Variants in ST3GAL3 observed in about 807,000 individuals in gnomAD.
The protein encoded by ST3GAL3 is CMP-N-acetylneuraminate-beta-1,4-galactoside alpha-2,3-sialyltransferase.
A neutral mutation model predicts 50.1 loss-of-function variants in ST3GAL3; 21 were observed. That is an observed-to-expected ratio of 0.42 (90% confidence interval 0.30 to 0.60). ST3GAL3 has a LOEUF of 0.60. Ranked by LOEUF, ST3GAL3 falls within the 20% of genes least tolerant of loss-of-function variation. The pLI, the probability that ST3GAL3 is intolerant of heterozygous loss-of-function variation, is 0.19. For synonymous variants in ST3GAL3, 183 were observed against 190.0 expected, an observed-to-expected ratio of 0.96 and a Z score of 0.30; for missense variants, 353 against 489.4, an observed-to-expected ratio of 0.72 and a Z score of 2.63.
chr1:43,920,188 GC>G, intron 9 of ST3GAL3: 1 of 612,420 alleles, frequency 1.6e-6, no homozygotes, highest in Non-Finnish European at 2.9e-6. Flanking sequence ...ACACACTGGA[GC>G]CCCACCACAC....
intron 9 of ST3GAL3, chr1:43,920,109 A>C: frequency 2.2e-6 from 1 of 446,794 alleles, no homozygotes; most frequent in Non-Finnish European, 4.2e-6. Context: ...CCCTCAGGCC[A>C]CAGCAGCACA....
intron 3 of ST3GAL3, among the ~76,000 whole-genome samples, chr1:43,807,022 G>C (rs537610034): frequency 6.6e-6 from 1 of 152,316 alleles, no homozygotes; most frequent in East Asian, 1.9e-4. Context: ...AGAAAGATAT[G>C]TTCAAAGGCC....
chr1:43,898,237 A>T lies in ST3GAL3; in HGVS notation c.400A>T (p.Asn134Tyr), dbSNP rs201834329. The T allele has an allele frequency of 1.1e-4, 170 of 1,613,940 alleles. No individual in the cohort carries two copies. The highest frequency in any genetic ancestry group is 8.5e-4 in the Admixed American group (51 of 60,026). ...AAACCTCTCTCCTCTGTCTGCAGAC[A>T]ATCTGATCAAAGCCATCTTGTCAGT... ...VPPFGIKGQDNLIKAILSVTK... is the reference protein window; with the variant it reads ...VPPFGIKGQDYLIKAILSVTK... The change falls in exon 7 of 12, where the codon AAT (asparagine) becomes TAT (tyrosine). Residue 134 changes from asparagine to tyrosine, a missense_variant and splice_region_variant. By Grantham distance (143) the Asn-to-Tyr change is moderately radical. Coordinates refer to ENST00000347631, the MANE Select transcript of ST3GAL3 (RefSeq NM_006279.5).
At chr1:43,753,292 A>G (rs1246774961) in intron 2 of ST3GAL3, among the ~76,000 whole-genome samples, 3 of 152,216 alleles carry the variant, frequency 2.0e-5, no homozygotes, top group African/African-American at 7.2e-5. Context: ...ATAGTGGTAT[A>G]GGGCTCAGAG....
At chr1:43,741,767 A>T (rs1681026290) in intron 2 of ST3GAL3, among the ~76,000 whole-genome samples, 1 of 152,224 alleles carries the variant, frequency 6.6e-6, no homozygotes, top group Non-Finnish European at 1.5e-5. Flanking sequence ...CAGCCTGTAG[A>T]CAACAGGCAG....
intron 2 of ST3GAL3, among the ~76,000 whole-genome samples, chr1:43,784,638 C>G (rs967165964): frequency 6.6e-6 from 1 of 152,194 alleles, no homozygotes; most frequent in Non-Finnish European, 1.5e-5. Flanking sequence ...GATACCATGT[C>G]TGATCTTTTC....
At chr1:43,880,951 A>G (rs1435156143) in intron 5 of ST3GAL3, among the ~76,000 whole-genome samples, 2 of 151,942 alleles carry the variant, frequency 1.3e-5, no homozygotes, top group East Asian at 3.9e-4. Context: ...CATGTATTTC[A>G]TAACTGCCTC....
At chr1:43,837,571 C>G (rs781074469) in intron 4 of ST3GAL3, among the ~76,000 whole-genome samples, 3 of 152,180 alleles carry the variant, frequency 2.0e-5, no homozygotes, top group Non-Finnish European at 2.9e-5. Context: ...CTCTGAGTAT[C>G]AAAGCCTGAG....
intron 6 of ST3GAL3, 36 bp downstream of exon 6, chr1:43,894,513 TC>T: frequency 1.3e-6 from 2 of 1,574,644 alleles, no homozygotes; most frequent in Non-Finnish European, 1.7e-6. Context: ...TAACATCTCA[TC>T]CCCCCGACTG....
chr1:43,766,239 G>C (rs1479930830), intron 2 of ST3GAL3, among the ~76,000 whole-genome samples: 2 of 152,132 alleles, frequency 1.3e-5, no homozygotes, highest in East Asian at 3.9e-4. Context: ...GATTACTGCT[G>C]ACTGACAGCT....
chr1:43,802,548 C>T (rs11210928), intron 3 of ST3GAL3, among the ~76,000 whole-genome samples: 137,148 of 152,320 alleles, frequency 0.9, 61,977 homozygotes, highest in African/African-American at 0.96. Flanking sequence ...AGCAGCGATA[C>T]TACCCAATAT....
At chr1:43,736,843 A>C (rs1678705709) in intron 2 of ST3GAL3, 1 of 262,210 alleles carries the variant, frequency 3.8e-6, no homozygotes, top group African/African-American at 2.3e-5. Context: ...AACGTTGTCT[A>C]CTGAATCTTT....
intron 3 of ST3GAL3, among the ~76,000 whole-genome samples, chr1:43,814,656 T>G (rs760409518): frequency 6.6e-6 from 1 of 152,350 alleles, no homozygotes; most frequent in Middle Eastern, 3.4e-3. Flanking sequence ...TATACCAACA[T>G]AGGACTGGCT....
chr1:43,810,388 A>G (rs1456857407), intron 3 of ST3GAL3, among the ~76,000 whole-genome samples: 3 of 152,092 alleles, frequency 2.0e-5, no homozygotes, highest in Non-Finnish European at 4.4e-5. Context: ...CAGGAGGTAG[A>G]GACGGGTAGG....
intron 5 of ST3GAL3, chr1:43,858,050 AAAG>A: frequency 9.3e-7 from 1 of 1,080,754 alleles, no homozygotes; most frequent in Non-Finnish European, 1.2e-6. Flanking sequence ...ACTACAGTGG[AAAG>A]AACAGGTTTT....
intron 5 of ST3GAL3, among the ~76,000 whole-genome samples, chr1:43,867,271 A>G (rs764168149): frequency 3.3e-4 from 50 of 152,228 alleles, no homozygotes; most frequent in Non-Finnish European, 5.9e-4. Context: ...ACAATTCAAG[A>G]TGAAACTTGG....
intron 1 of ST3GAL3, among the ~76,000 whole-genome samples, chr1:43,726,791 C>T (rs193037100): frequency 6.6e-6 from 1 of 150,936 alleles, no homozygotes; most frequent in African/African-American, 2.4e-5. Flanking sequence ...ATGGGGTTTC[C>T]CCATGTTGGC....
chr1:43,759,298 G>T (rs1689401917), intron 2 of ST3GAL3, among the ~76,000 whole-genome samples: 1 of 152,092 alleles, frequency 6.6e-6, no homozygotes, highest in Non-Finnish European at 1.5e-5. Flanking sequence ...ACAAAAATTA[G>T]CTGGGCGTGG....
chr1:43,775,261 C>T (rs1273712495), intron 2 of ST3GAL3, among the ~76,000 whole-genome samples: 6 of 148,306 alleles, frequency 4.0e-5, no homozygotes, highest in South Asian at 2.1e-4. Flanking sequence ...GAGACTGAGT[C>T]GCGCTCTTGT....
Sources: gnomAD v4.1 joint callset for allele counts (sites outside exome capture counted in the v4.1 genomes callset) on GRCh38, gnomAD v4.1.1 for gene constraint, MANE v1.5 for transcripts, NCBI Gene and HGNC (gene_info 2026-07-23, HGNC 2026-07-21) for gene names.